The following PTPRZ1 variants were observed in gnomAD, a reference collection of about 807,000 sequenced individuals.
PTPRZ1 encodes receptor-type tyrosine-protein phosphatase zeta.
A neutral mutation model predicts 214.1 loss-of-function variants in PTPRZ1; 82 were observed. That is an observed-to-expected ratio of 0.38 (90% CI 0.32 to 0.46). PTPRZ1 has a LOEUF of 0.46. PTPRZ1 is among the 20% of genes least tolerant of loss of function. The probability of loss-of-function intolerance (pLI) is 1.00; values close to 1 mark genes in which losing one functional copy is unlikely to be tolerated. For synonymous variants in PTPRZ1, 945 were observed against 987.9 expected (o/e 0.96, Z 0.81); for missense variants, 2,603 against 2,748.7 (o/e 0.95, Z 1.19).
chr7:122,045,664 A>G (rs1799869799), intron 23 of PTPRZ1, among the ~76,000 whole-genome samples: 1 of 146,202 alleles, frequency 6.8e-6, no homozygotes, highest in South Asian at 2.2e-4. Context: ...TTGTAAAGAT[A>G]TCTTTTCCCT....
At chr7:121,904,547 CTTTTT>C (rs1173088093) in intron 1 of PTPRZ1, among the ~76,000 whole-genome samples, 1 of 152,102 alleles carries the variant, frequency 6.6e-6, no homozygotes, top group African/African-American at 2.4e-5. Flanking sequence ...AATTTTTGAT[CTTTTT>C]TGTTTTAACA....
rs147751975 is a variant in PTPRZ1, at chr7:122,015,986, T to G, written c.4843+2097T>G. On this transcript the variant is annotated intron_variant, in intron 12 of 29. Coordinates refer to ENST00000393386, the MANE Select transcript of PTPRZ1 (RefSeq NM_002851.3). The stretch of plus-strand genomic sequence containing the variant: ...TAATTGAATATATCCCTTTATCAAA[T>G]GCATGCAGACTAGCTCTGAAACTTA... Among the ~76,000 whole-genome samples, 5 of 152,242 alleles carry G rather than the reference T, an allele frequency of 3.3e-5. No homozygotes were observed. The East Asian group carries it at 5.8e-4, about 18-fold the overall frequency.
intron 1 of PTPRZ1, among the ~76,000 whole-genome samples, chr7:121,874,936 T>G (rs1794006474): frequency 6.6e-6 from 1 of 152,120 alleles, no homozygotes; most frequent in African/African-American, 2.4e-5. Context: ...GTCCTCTTAG[T>G]AATTAAATTA....
chr7:122,048,932 T>C (rs894917738), intron 23 of PTPRZ1, among the ~76,000 whole-genome samples: 4 of 152,098 alleles, frequency 2.6e-5, no homozygotes, highest in Admixed American at 2.0e-4. Context: ...AAGACACTTA[T>C]AGGCCAGTAT....
chr7:121,914,750 C>T (rs1259074419), intron 1 of PTPRZ1, among the ~76,000 whole-genome samples: 1 of 152,052 alleles, frequency 6.6e-6, no homozygotes, highest in Non-Finnish European at 1.5e-5. Flanking sequence ...GAAATAATAT[C>T]CTCAATGCCT....
chr7:122,004,082 A>C (rs1217973293), intron 10 of PTPRZ1, among the ~76,000 whole-genome samples: 1 of 152,152 alleles, frequency 6.6e-6, no homozygotes, highest in Non-Finnish European at 1.5e-5. Flanking sequence ...CAGTATAGAA[A>C]TAGGTATGAG....
chr7:121,876,721 C>G (rs936873928), intron 1 of PTPRZ1, among the ~76,000 whole-genome samples: 5 of 152,128 alleles, frequency 3.3e-5, no homozygotes, highest in Admixed American at 1.3e-4. Flanking sequence ...TTTCATTTCT[C>G]TCTCCTTTTT....
rs745879874 is a variant in PTPRZ1, at chr7:122,013,117, T to G, written c.4071T>G (p.Ser1357=). The stretch of plus-strand genomic sequence containing the variant: ...TTGCTGGTATTCCAACAGTTGCTTC[T>G]GATACATTTGTATCTACTGATCATT... The part of the protein sequence containing the change: ...KVFAGIPTVA[S]DTFVSTDHSV... The change falls in exon 12 of 30, where the codon TCT becomes TCG. Residue 1357 remains serine (S), a synonymous_variant. Coordinates refer to ENST00000393386, the MANE Select transcript of PTPRZ1 (RefSeq NM_002851.3). The G allele has an allele frequency of 3.1e-6, 5 of 1,614,052 alleles. No individual in the cohort carries two copies. In the East Asian group the frequency reaches 1.1e-4, roughly 36 times the overall value.
intron 23 of PTPRZ1, among the ~76,000 whole-genome samples, chr7:122,046,272 G>T (rs1371476639): frequency 6.6e-6 from 1 of 152,074 alleles, no homozygotes; most frequent in East Asian, 1.9e-4. Context: ...AGCTGGGTGG[G>T]TGGCATGAGC....
chr7:122,036,814 A>G, intron 18 of PTPRZ1, 132 bp downstream of exon 18: 2 of 624,636 alleles, frequency 3.2e-6, no homozygotes, highest in Non-Finnish European at 5.3e-6. Context: ...ATGGTAAAGT[A>G]ACAGTAAATA....
intron 2 of PTPRZ1, among the ~76,000 whole-genome samples, chr7:121,943,500 T>TA (rs1222930397): frequency 6.6e-6 from 1 of 151,616 alleles, no homozygotes; most frequent in Non-Finnish European, 1.5e-5. Flanking sequence ...CATGCCCGGC[T>TA]AATTTTTTTT....
chr7:121,919,832 A>C (rs968448645), intron 1 of PTPRZ1, among the ~76,000 whole-genome samples: 26 of 144,998 alleles, frequency 1.8e-4, no homozygotes, highest in Non-Finnish European at 3.7e-4. Flanking sequence ...TTTTTTAGTA[A>C]TTGATTAACC....
At chr7:121,917,530 T>C (rs912035623) in intron 1 of PTPRZ1, among the ~76,000 whole-genome samples, 6 of 152,164 alleles carry the variant, frequency 3.9e-5, no homozygotes, top group African/African-American at 1.4e-4. Context: ...ACGAAATTGC[T>C]TCACTATTGA....
intron 8 of PTPRZ1, among the ~76,000 whole-genome samples, chr7:121,987,990 A>G (rs573002914): frequency 2.6e-5 from 4 of 152,290 alleles, no homozygotes; most frequent in African/African-American, 9.6e-5. Flanking sequence ...AGACATAAAC[A>G]TGGGAACAGT....
Position 122,013,635 on chromosome 7 carries a change from T to C in PTPRZ1, c.4589T>C (p.Leu1530Pro), listed in dbSNP as rs773861758. ...AATGACATTCAGACTGGTAGTGCTC[T>C]GCTTCCTCTCAGCCCTGAATCTAAA... ...EENDIQTGSA[L>P]LPLSPESKAW... Residue 1530 changes from leucine to proline, a missense_variant, in exon 12 of 30, where the codon CTG (leucine) becomes CCG (proline). Coordinates refer to ENST00000393386, the MANE Select transcript of PTPRZ1 (RefSeq NM_002851.3). 34 of 1,614,240 alleles carry C rather than the reference T, an allele frequency of 2.1e-5. No homozygotes were observed. The highest frequency in any genetic ancestry group is 2.8e-5 in the Non-Finnish European group (33 of 1,180,046).
At chr7:121,955,699 G>A (rs1796685368) in intron 2 of PTPRZ1, among the ~76,000 whole-genome samples, 1 of 152,196 alleles carries the variant, frequency 6.6e-6, no homozygotes, top group Admixed American at 6.5e-5. Context: ...GGTGCAATTA[G>A]ACAGAATCAG....
chr7:121,942,615 G>A (rs527642414), intron 2 of PTPRZ1, among the ~76,000 whole-genome samples: 13 of 152,250 alleles, frequency 8.5e-5, no homozygotes, highest in East Asian at 5.8e-4. Flanking sequence ...GATTTAAAAC[G>A]TAAGTCTCAT....
At chr7:122,053,390 G>A (rs1203802236) in intron 25 of PTPRZ1, among the ~76,000 whole-genome samples, 1 of 152,208 alleles carries the variant, frequency 6.6e-6, no homozygotes, top group African/African-American at 2.4e-5. Context: ...CTATGGAGCA[G>A]TTTTGTAAGT....
Position 122,011,886 on chromosome 7 carries a change from C to A in PTPRZ1, c.2840C>A (p.Ala947Glu), listed in dbSNP as rs1798677917. 6.2e-7 allele frequency: 1 copy of A among 1,614,026 alleles called. No individual in the cohort carries two copies. The highest frequency in any genetic ancestry group is 1.3e-5 in the African/African-American group (1 of 74,942). ...QHIFTVSYSS[A>E]IPVHDSVGVT... Reference sequence around the variant, plus strand: ...ATCTTCACTGTTTCTTACAGTTCTGCAATACCTGTGCATGATTCTGTGGGT... The same window carrying A: ...ATCTTCACTGTTTCTTACAGTTCTGAAATACCTGTGCATGATTCTGTGGGT... Residue 947 changes from alanine (A) to glutamate (E), a missense_variant, in exon 12 of 30, where the codon GCA becomes GAA. Ala to Glu is a moderately radical substitution (Grantham distance 107). Transcript: ENST00000393386.
Sources: gnomAD v4.1 joint callset for allele counts (sites outside exome capture counted in the v4.1 genomes callset) on GRCh38, gnomAD v4.1.1 for gene constraint, MANE v1.5 for transcripts, NCBI Gene and HGNC (gene_info 2026-07-23, HGNC 2026-07-21) for gene names.